The following ASIC2 variants were observed in gnomAD, a reference collection of about 807,000 sequenced individuals.
The protein encoded by ASIC2 is acid-sensing ion channel 2.
ASIC2 carries 25 observed loss-of-function variants against 57.3 expected under a neutral mutation model. The ratio of observed to expected loss-of-function variants is 0.44; its 90% CI spans 0.32 to 0.61. The LOEUF (loss-of-function observed/expected upper bound fraction) is 0.61. ASIC2 is among the 20% of genes least tolerant of loss of function. The probability of loss-of-function intolerance (pLI) is 0.06; values close to 1 mark genes in which losing one functional copy is unlikely to be tolerated. For synonymous variants in ASIC2, 319 were observed against 307.5 expected, an observed-to-expected ratio of 1.04 and a Z score of -0.39; for missense variants, 641 against 738.1, an observed-to-expected ratio of 0.87 and a Z score of 1.52.
chr17:34,149,103 T>G (rs1904411489), intron 1 of ASIC2, among the ~76,000 whole-genome samples: 1 of 131,792 alleles, frequency 7.6e-6, no homozygotes, highest in South Asian at 2.4e-4. Context: ...CTTTTTTCTT[T>G]TTTTTCTTTT....
intron 1 of ASIC2, among the ~76,000 whole-genome samples, chr17:33,479,359 T>G (rs1913329006): frequency 6.6e-6 from 1 of 152,082 alleles, no homozygotes; most frequent in Non-Finnish European, 1.5e-5. Context: ...GAAAGAGATT[T>G]TTTTTTAAGA....
chr17:33,969,872 C>T (rs1392768752), intron 1 of ASIC2, among the ~76,000 whole-genome samples: 1 of 152,146 alleles, frequency 6.6e-6, no homozygotes, highest in Non-Finnish European at 1.5e-5. Context: ...GAGGCACCAA[C>T]AGCACCTGCC....
chr17:33,792,005 T>G (rs1911787467), intron 1 of ASIC2: 1 of 152,050 alleles, frequency 6.6e-6, no homozygotes, highest in Non-Finnish European at 1.5e-5. Context: ...AGACGGGGTC[T>G]CGTCACGTTG....
At chr17:33,857,980 G>T (rs1240872649) in intron 1 of ASIC2, among the ~76,000 whole-genome samples, 1 of 152,204 alleles carries the variant, frequency 6.6e-6, no homozygotes, top group Non-Finnish European at 1.5e-5. Flanking sequence ...AGCTCCTCAG[G>T]CTTGCAGCCT....
chr17:33,085,655 A>G (rs2092131556), intron 3 of ASIC2, among the ~76,000 whole-genome samples: 1 of 152,260 alleles, frequency 6.6e-6, no homozygotes. Flanking sequence ...TATTTGCTGT[A>G]TGAATAAATA....
chr17:33,964,484 G>A (rs999881657), intron 1 of ASIC2, among the ~76,000 whole-genome samples: 1 of 152,240 alleles, frequency 6.6e-6, no homozygotes, highest in African/African-American at 2.4e-5. Context: ...GTAAAATGAG[G>A]AAATAACCAA....
At chr17:33,925,948 C>T (rs1216827701) in intron 1 of ASIC2, among the ~76,000 whole-genome samples, 1 of 152,100 alleles carries the variant, frequency 6.6e-6, no homozygotes, top group Non-Finnish European at 1.5e-5. Flanking sequence ...GTATGTGCCC[C>T]GCAATGACAA....
At chr17:33,136,656 G>GA (rs1282838828) in intron 1 of ASIC2, among the ~76,000 whole-genome samples, 1 of 152,224 alleles carries the variant, frequency 6.6e-6, no homozygotes, top group Non-Finnish European at 1.5e-5. Context: ...TGAGTCTGAA[G>GA]AAGGGGCAAA....
At chr17:33,463,495 T>C (rs1597736993) in intron 1 of ASIC2, among the ~76,000 whole-genome samples, 3 of 152,324 alleles carry the variant, frequency 2.0e-5, no homozygotes, top group Admixed American at 6.5e-5. Context: ...CCAATGTCTG[T>C]CAGTCAGTGA....
intron 3 of ASIC2, among the ~76,000 whole-genome samples, chr17:33,048,293 C>T (rs897863030): frequency 3.9e-5 from 6 of 152,256 alleles, no homozygotes; most frequent in South Asian, 2.1e-4. Context: ...TATGGCACCT[C>T]GAGCTGACTA....
chr17:33,622,988 T>A (rs1016830084), intron 1 of ASIC2, among the ~76,000 whole-genome samples: 5 of 152,220 alleles, frequency 3.3e-5, no homozygotes, highest in South Asian at 2.1e-4. Context: ...AATTTTTTAT[T>A]TGGACATTTA....
chr17:33,510,871 G>A (rs1344814023), intron 1 of ASIC2, among the ~76,000 whole-genome samples: 1 of 152,090 alleles, frequency 6.6e-6, no homozygotes, highest in Non-Finnish European at 1.5e-5. Context: ...CCGTAGACAT[G>A]AACATGTCAC....
rs1914855606 is a variant in ASIC2, at chr17:33,525,281, A to G, written c.556-413214T>C. Among the ~76,000 whole-genome samples the G allele has an allele frequency of 3.3e-5, 5 of 152,334 alleles. No individual in the cohort carries two copies. The South Asian group carries it at 6.2e-4, about 19-fold the overall frequency. On this transcript the variant is annotated intron_variant, in intron 1 of 9. Transcript: ENST00000359872. The stretch of plus-strand genomic sequence containing the variant: ...TGAGTAGGGCGGACACGAGAGAGTC[A>G]TGTGGGAGGTGTGGAGGGCAGAGTG...
chr17:33,668,634 C>T (rs144386864), intron 1 of ASIC2, among the ~76,000 whole-genome samples: 6 of 152,252 alleles, frequency 3.9e-5, no homozygotes, highest in Non-Finnish European at 8.8e-5. Context: ...TCCCTTTTAC[C>T]ACATAAGGTC....
At chr17:33,638,955 C>T (rs949845755) in intron 1 of ASIC2, among the ~76,000 whole-genome samples, 2 of 152,000 alleles carry the variant, frequency 1.3e-5, no homozygotes, top group African/African-American at 4.8e-5. Flanking sequence ...CCCAGTTGTC[C>T]TGGGTGGTCA....
chr17:33,919,918 A>G (rs1460087991), intron 1 of ASIC2, among the ~76,000 whole-genome samples: 1 of 152,202 alleles, frequency 6.6e-6, no homozygotes, highest in East Asian at 1.9e-4. Flanking sequence ...AACATGAAAA[A>G]ACGCTCCACA....
intron 3 of ASIC2, among the ~76,000 whole-genome samples, chr17:33,033,108 T>A (rs2091891973): frequency 6.6e-6 from 1 of 152,200 alleles, no homozygotes; most frequent in Admixed American, 6.5e-5. Context: ...TGGCAGTGGC[T>A]GCTTACATTA....
intron 1 of ASIC2, among the ~76,000 whole-genome samples, chr17:33,368,061 G>T (rs181671222): frequency 6.6e-6 from 1 of 152,108 alleles, no homozygotes; most frequent in Non-Finnish European, 1.5e-5. Context: ...CATTCCACAA[G>T]TTCTTACAGT....
chr17:33,038,599 C>T (rs971608594), intron 3 of ASIC2, among the ~76,000 whole-genome samples: 6 of 152,218 alleles, frequency 3.9e-5, no homozygotes, highest in Non-Finnish European at 8.8e-5. Flanking sequence ...TCTTTCTCCA[C>T]TGTGCTATGG....
Sources: allele counts gnomAD v4.1 joint callset (sites outside exome capture counted in the v4.1 genomes callset), GRCh38; gene constraint gnomAD v4.1.1; transcripts MANE v1.5; gene names NCBI Gene and HGNC (gene_info 2026-07-23, HGNC 2026-07-21).